WDR41: variants seen among roughly 807,000 people sequenced by gnomAD.
WDR41 encodes the protein WD repeat-containing protein 41.
In WDR41, 63 loss-of-function variants were observed where a neutral mutation model predicts 69.3. That is an observed-to-expected ratio of 0.91 (90% CI 0.74 to 1.12). The LOEUF is 1.12. WDR41 is among the 50% of genes most tolerant of loss of function. WDR41 has a pLI of 0.00. For missense variants in WDR41, 543 were observed against 534.5 expected (o/e 1.02, Z -0.16); for synonymous variants, 185 against 192.1 (o/e 0.96, Z 0.31).
intron 10 of WDR41, among the ~76,000 whole-genome samples, chr5:77,437,669 C>T (rs1798995572): frequency 6.6e-6 from 1 of 152,162 alleles, no homozygotes; most frequent in Non-Finnish European, 1.5e-5. Context: ...AAAAAAATGC[C>T]CTTGGGAAAA....
rs146634980 is a variant in WDR41, at chr5:77,534,483, G to T, written c.43-44911C>A. ...CAGAGTCTCACTGTCACCCAGGCTG[G>T]AGTGCAGTGGTGTGATCTCGGCTCA... is the stretch of plus-strand genomic sequence containing the variant. On this transcript the variant is annotated intron_variant, in intron 1 of 5. Coordinates refer to the WDR41 transcript ENST00000509971. Among the ~76,000 whole-genome samples, 817 of 152,200 alleles carry T rather than the reference G, an allele frequency of 5.4e-3. 23 individuals are homozygous for T. The highest frequency in any genetic ancestry group is 0.035 in the East Asian group (182 of 5,188).
chr5:77,435,052 C>T lies in WDR41; in HGVS notation c.1227+1209G>A, dbSNP rs548449277. ...CTAGTGTCTGTTCACAGGAACCCAG[C>T]GCTCCGGCCTAGCCAAGGTGCTCCT... On this transcript the variant is annotated intron_variant, in intron 12 of 12. Transcript: ENST00000296679. Among the ~76,000 whole-genome samples the T allele has an allele frequency of 4.6e-5, 7 of 152,266 alleles. No individual in the cohort carries two copies. The South Asian group carries it at 6.2e-4, about 14-fold the overall frequency.
chr5:77,463,091 A>G lies in WDR41; in HGVS notation c.348+4T>C. 6.2e-7 allele frequency: 1 copy of G among 1,611,234 alleles called. No individual in the cohort carries two copies. The highest frequency in any genetic ancestry group is 8.5e-7 in the Non-Finnish European group (1 of 1,178,852). ...TTGTTCATTTCTTCCAGATTAAAGG[A>G]TACAATAACTGTTCTATCAGCAGAG... On this transcript the variant is annotated splice_donor_region_variant and intron_variant, in intron 4 of 12. Transcript: ENST00000296679.
chr5:77,611,980 A>G (rs537780668), intron 1 of WDR41, among the ~76,000 whole-genome samples: 28 of 152,324 alleles, frequency 1.8e-4, no homozygotes, highest in African/African-American at 6.7e-4. Context: ...ATCCCACAGA[A>G]ATACAAACTA....
intron 1 of WDR41, among the ~76,000 whole-genome samples, chr5:77,592,012 TTA>T (rs1744145586): frequency 6.6e-6 from 1 of 152,140 alleles, no homozygotes; most frequent in Non-Finnish European, 1.5e-5. Flanking sequence ...ATTTATATTT[TTA>T]TATGTTTTAT....
chr5:77,491,807 T>C (rs1447281748), intron 1 of WDR41: 1 of 269,398 alleles, frequency 3.7e-6, no homozygotes, highest in Non-Finnish European at 6.9e-6. Context: ...AGCTAAATCG[T>C]ATACTTTTTA....
At chr5:77,507,757 A>G (rs1455432676) in intron 1 of WDR41, among the ~76,000 whole-genome samples, 1 of 152,128 alleles carries the variant, frequency 6.6e-6, no homozygotes, top group Admixed American at 6.5e-5. Flanking sequence ...TATTCTACTT[A>G]GAGTTTATTA....
rs148399539 is a variant in WDR41 at position 77,601,456 on chromosome 5, A to G, written c.42+19023T>C. ...TAGAAAGAGTTACAAGGATGTCAGT[A>G]AAGCAGAGAAACTATAAATAACATT... On this transcript the variant is annotated intron_variant, in intron 1 of 5. Coordinates refer to the WDR41 transcript ENST00000509971. Among the ~76,000 whole-genome samples the G allele has an allele frequency of 9.7e-4, 148 of 152,318 alleles. 2 individuals carry two copies. Among genetic ancestry groups the G allele is most frequent in the African/African-American group, 3.4e-3 (141 of 41,570 alleles).
upstream of WDR41, among the ~76,000 whole-genome samples, chr5:77,496,860 T>C (rs1444029305): frequency 6.6e-6 from 1 of 152,134 alleles, no homozygotes; most frequent in Non-Finnish European, 1.5e-5. Context: ...CTGTGGAACT[T>C]ACCACGAAGT....
intron 1 of WDR41, among the ~76,000 whole-genome samples, chr5:77,607,957 A>C (rs78900852): frequency 0.052 from 7,988 of 152,220 alleles, 692 homozygotes; most frequent in African/African-American, 0.18. Flanking sequence ...TATGTGGTAA[A>C]ATATGCATAA....
intron 5 of WDR41, among the ~76,000 whole-genome samples, chr5:77,454,727 T>C (rs980213187): frequency 6.6e-6 from 1 of 152,254 alleles, no homozygotes; most frequent in Non-Finnish European, 1.5e-5. Flanking sequence ...GAGGTTCTGG[T>C]AATCTTGCCT....
In WDR41 at chr5:77,611,791, CA is replaced by C. The variant is rs1342897144; in HGVS notation, c.42+8687del. On this transcript the variant is annotated intron_variant, in intron 1 of 5. Coordinates refer to the WDR41 transcript ENST00000509971. ...GCAGAAGGCAAGAAATAACTAAAAT[CA>C]GAGCAGAACTGAAGGAAATAGAGAC... Among the ~76,000 whole-genome samples the C allele has an allele frequency of 4.9e-3, 748 of 151,456 alleles. 2 individuals carry two copies. Among genetic ancestry groups the C allele is most frequent in the African/African-American group, 0.017 (716 of 41,426 alleles).
At chr5:77,472,714 G>A (rs574539944) in intron 2 of WDR41, among the ~76,000 whole-genome samples, 40 of 151,844 alleles carry the variant, frequency 2.6e-4, no homozygotes, top group African/African-American at 8.5e-4. Context: ...AACTTACAAG[G>A]GATGGGAAGG....
chr5:77,444,746 C>A (rs1012458424), intron 8 of WDR41, among the ~76,000 whole-genome samples: 1 of 152,194 alleles, frequency 6.6e-6, no homozygotes, highest in Non-Finnish European at 1.5e-5. Flanking sequence ...TCATGGCTAA[C>A]GTGCCTATGT....
intron 1 of WDR41, chr5:77,582,921 C>T (rs897414684): frequency 1.9e-5 from 30 of 1,609,284 alleles, no homozygotes; most frequent in Middle Eastern, 1.6e-4. Context: ...TTGGTAAATA[C>T]GGCATTATCT....
At chr5:77,435,066 C>T (rs1410432686) in intron 12 of WDR41, among the ~76,000 whole-genome samples, 1 of 152,150 alleles carries the variant, frequency 6.6e-6, no homozygotes, top group Non-Finnish European at 1.5e-5. Flanking sequence ...CCGGCCTAGC[C>T]AAGGTGCTCC....
chr5:77,481,583 G>A (rs768128416), intron 2 of WDR41, among the ~76,000 whole-genome samples: 1 of 151,934 alleles, frequency 6.6e-6, no homozygotes, highest in African/African-American at 2.4e-5. Context: ...TCAGGAGTTC[G>A]AGACCAGCCT....
intron 1 of WDR41, among the ~76,000 whole-genome samples, chr5:77,555,086 C>CAA (rs112922794): frequency 2.1e-4 from 23 of 111,486 alleles, no homozygotes; most frequent in East Asian, 1.7e-3. Flanking sequence ...GACCCTGTTT[C>CAA]AAAAAAAAAA....
intron 11 of WDR41, among the ~76,000 whole-genome samples, chr5:77,436,970 C>A (rs2151285633): frequency 6.6e-6 from 1 of 152,270 alleles, no homozygotes; most frequent in East Asian, 1.9e-4. Flanking sequence ...TTAAGTTCAA[C>A]ATCAAGGGTA....
Sources: gnomAD v4.1 joint callset for allele counts (sites outside exome capture counted in the v4.1 genomes callset) on GRCh38, gnomAD v4.1.1 for gene constraint, MANE v1.5 for transcripts, NCBI Gene and HGNC (gene_info 2026-07-23, HGNC 2026-07-21) for gene names.